Variants in MARCHF1 observed in about 807,000 individuals in gnomAD.
MARCHF1 encodes membrane associated ring-CH-type finger 1.
A neutral mutation model predicts 54.2 loss-of-function variants in MARCHF1; 40 were observed. That is an observed-to-expected ratio of 0.74 (90% confidence interval 0.57 to 0.96). The LOEUF is 0.96. Among genes scored for constraint, MARCHF1 ranks in the 40% least tolerant of loss-of-function variants. The probability of loss-of-function intolerance (pLI) is 0.00; values close to 1 mark genes in which losing one functional copy is unlikely to be tolerated. For synonymous variants in MARCHF1, 236 were observed against 236.3 expected, an observed-to-expected ratio of 1.00 and a Z score of 0.01; for missense variants, 586 against 656.5, an observed-to-expected ratio of 0.89 and a Z score of 1.17.
chr4:163,769,052 T>A (rs1364727789), intron 4 of MARCHF1, among the ~76,000 whole-genome samples: 1 of 152,182 alleles, frequency 6.6e-6, no homozygotes, highest in Non-Finnish European at 1.5e-5. Flanking sequence ...AGCAAAAGAC[T>A]ATTGTAGAGA....
At chr4:163,726,465 T>A (rs143388459) in intron 4 of MARCHF1, among the ~76,000 whole-genome samples, 1 of 152,344 alleles carries the variant, frequency 6.6e-6, no homozygotes, top group Admixed American at 6.5e-5. Flanking sequence ...TTTAGGTCCT[T>A]AATATTCCAT....
intron 1 of MARCHF1, among the ~76,000 whole-genome samples, chr4:164,238,279 T>C (rs1732625224): frequency 6.6e-6 from 1 of 151,202 alleles, no homozygotes; most frequent in South Asian, 2.1e-4. Flanking sequence ...ACTCCAGTGG[T>C]GAAGTAAATA....
At chr4:164,275,432 C>T (rs958674515) in intron 1 of MARCHF1, among the ~76,000 whole-genome samples, 15 of 152,036 alleles carry the variant, frequency 9.9e-5, no homozygotes, top group African/African-American at 2.4e-4. Context: ...TTTTATTCTA[C>T]TCTGACATTA....
chr4:163,914,720 T>C (rs79779970), intron 3 of MARCHF1, among the ~76,000 whole-genome samples: 3,078 of 152,258 alleles, frequency 0.02, 67 homozygotes, highest in African/African-American at 0.045. Flanking sequence ...TTTTTGTTTT[T>C]ATTTTGAGAA....
At chr4:163,805,828 C>T (rs998959167) in intron 4 of MARCHF1, among the ~76,000 whole-genome samples, 2 of 152,192 alleles carry the variant, frequency 1.3e-5, no homozygotes, top group Admixed American at 6.5e-5. Flanking sequence ...ACACTAGGCT[C>T]AGCTGCAGAA....
At position 163,910,083 on chromosome 4, in the gene MARCHF1, T is replaced by C. The variant is rs1012868012; in HGVS notation, c.-38-55914A>G. 4.1e-5 allele frequency among the ~76,000 whole-genome samples: 6 copies of C among 147,902 alleles called. No homozygotes were observed. The East Asian group carries it at 7.7e-4, about 19-fold the overall frequency. On this transcript the variant is annotated intron_variant, in intron 3 of 9. Transcript: ENST00000514618. ...GAGTTATTTTACAATATTCGAAGCA[T>C]AGTCAAACATCTAACATATAAGAAC...
chr4:164,147,728 C>A (rs536829506), intron 1 of MARCHF1, among the ~76,000 whole-genome samples: 2 of 143,772 alleles, frequency 1.4e-5, no homozygotes, highest in Middle Eastern at 3.6e-3. Flanking sequence ...TGCTAGATGA[C>A]GAGTTAGTGG....
intron 4 of MARCHF1, among the ~76,000 whole-genome samples, chr4:163,701,219 T>C (rs1744801262): frequency 6.6e-6 from 1 of 152,160 alleles, no homozygotes; most frequent in African/African-American, 2.4e-5. Flanking sequence ...CCCTTGCAAC[T>C]AGGAAAGTTT....
At chr4:164,143,696 C>T (rs897567987) in intron 1 of MARCHF1, among the ~76,000 whole-genome samples, 164 of 152,232 alleles carry the variant, frequency 1.1e-3, no homozygotes, top group African/African-American at 3.8e-3. Context: ...AAGGAACAAC[C>T]GATACCAGCC....
At chr4:163,721,554 A>G (rs932694058) in intron 4 of MARCHF1, among the ~76,000 whole-genome samples, 2 of 152,238 alleles carry the variant, frequency 1.3e-5, no homozygotes, top group East Asian at 1.9e-4. Flanking sequence ...AAAATGAGTT[A>G]GGGAGGATTC....
intron 3 of MARCHF1, among the ~76,000 whole-genome samples, chr4:163,913,400 C>A (rs567780931): frequency 3.9e-5 from 6 of 152,254 alleles, no homozygotes; most frequent in African/African-American, 1.4e-4. Flanking sequence ...CTCAGAACAG[C>A]CTTTTCTGGT....
chr4:164,143,282 G>A (rs1391739454), intron 1 of MARCHF1, among the ~76,000 whole-genome samples: 2 of 149,242 alleles, frequency 1.3e-5, no homozygotes, highest in Non-Finnish European at 3.0e-5. Flanking sequence ...CCCCAATCTA[G>A]CAAGGCAGGC....
chr4:164,238,558 T>A (rs1732634248), intron 1 of MARCHF1, among the ~76,000 whole-genome samples: 2 of 152,026 alleles, frequency 1.3e-5, no homozygotes, highest in Non-Finnish European at 1.5e-5. Flanking sequence ...AGATTTTAAG[T>A]TAAATATTAT....
At chr4:163,791,721 C>T (rs1448372703) in intron 4 of MARCHF1, among the ~76,000 whole-genome samples, 1 of 152,128 alleles carries the variant, frequency 6.6e-6, no homozygotes, top group Non-Finnish European at 1.5e-5. Context: ...CAGTTTGTTT[C>T]CTTCACCTGA....
chr4:164,218,263 G>A (rs1198524397), intron 1 of MARCHF1, among the ~76,000 whole-genome samples: 6 of 151,894 alleles, frequency 4.0e-5, no homozygotes, highest in African/African-American at 1.5e-4. Flanking sequence ...TAACAAGGAG[G>A]GGACATAAAA....
intron 1 of MARCHF1, among the ~76,000 whole-genome samples, chr4:164,228,871 A>G (rs1406768200): frequency 1.3e-5 from 2 of 152,316 alleles, no homozygotes; most frequent in African/African-American, 2.4e-5. Flanking sequence ...AGTAATGCCC[A>G]GATAATGATC....
At chr4:163,569,288 G>A (rs938523238) in intron 8 of MARCHF1, among the ~76,000 whole-genome samples, 3 of 152,164 alleles carry the variant, frequency 2.0e-5, no homozygotes, top group South Asian at 4.1e-4. Context: ...CGATAGCCAC[G>A]CTGTAATGTC....
intron 4 of MARCHF1, among the ~76,000 whole-genome samples, chr4:163,796,803 C>G (rs1747931186): frequency 6.6e-6 from 1 of 152,084 alleles, no homozygotes; most frequent in Non-Finnish European, 1.5e-5. Flanking sequence ...AACCTGCATA[C>G]TTAATAACAT....
chr4:164,105,292 G>C (rs1450252402), intron 2 of MARCHF1, among the ~76,000 whole-genome samples: 1 of 113,206 alleles, frequency 8.8e-6, no homozygotes, highest in East Asian at 2.2e-4. Context: ...AACCAAAAAA[G>C]AGCCTGCATT....
Sources: gnomAD v4.1 joint callset for allele counts (sites outside exome capture counted in the v4.1 genomes callset) on GRCh38, gnomAD v4.1.1 for gene constraint, MANE v1.5 for transcripts, NCBI Gene and HGNC (gene_info 2026-07-23, HGNC 2026-07-21) for gene names.